The following FZD3 variants were observed in gnomAD, a reference collection of about 807,000 sequenced individuals.
The protein encoded by FZD3 is frizzled class receptor 3.
FZD3 carries 30 observed loss-of-function variants against 60.7 expected under a neutral mutation model. That is an observed-to-expected ratio of 0.49 (90% CI 0.37 to 0.67). The LOEUF is 0.67. Among genes scored for constraint, FZD3 ranks in the 30% least tolerant of loss-of-function variants. The pLI, the probability that FZD3 is intolerant of heterozygous loss-of-function variation, is 0.00. For synonymous variants in FZD3, 246 were observed against 275.2 expected, an observed-to-expected ratio of 0.89 and a Z score of 1.05; for missense variants, 605 against 838.7, an observed-to-expected ratio of 0.72 and a Z score of 3.44.
chr8:28,565,065 T>G lies in FZD3; in HGVS notation c.*2054T>G, dbSNP rs946252929. 1 of 97,536 alleles carries G rather than the reference T, an allele frequency of 1.0e-5. No homozygotes were observed. Among genetic ancestry groups the G allele is most frequent in the Non-Finnish European group, 2.2e-5 (1 of 45,800 alleles). 6.0% of individuals were successfully genotyped at this position (97,536 alleles called of 1,614,324 possible). ...CATGTATACTTTCTTTCTTACCCTT[T>G]AAAACAAACTGCCAAGAAATTAGGT... On this transcript the variant is annotated 3_prime_UTR_variant, in exon 8 of 8. Coordinates refer to ENST00000240093, the MANE Select transcript of FZD3 (RefSeq NM_017412.4).
In FZD3 at chr8:28,520,761, C is replaced by T. The variant is rs1440611132; in HGVS notation, c.313C>T (p.Arg105Trp). Residue 105 changes from arginine (R) to tryptophan (W), a missense_variant, in exon 4 of 8, where the codon CGG (arginine) becomes TGG (tryptophan). By Grantham distance (101) the Arg-to-Trp change is moderately radical. Coordinates refer to ENST00000240093, the MANE Select transcript of FZD3 (RefSeq NM_017412.4). Reference sequence around the variant, plus strand: ...ACTTCCCTGTCGTAGGCTGTGTCAGCGGGCTTACAGTGAGTGTTCGAAGCT... The same window carrying T: ...ACTTCCCTGTCGTAGGCTGTGTCAGTGGGCTTACAGTGAGTGTTCGAAGCT... ...VTLPCRRLCQ[R>W]AYSECSKLME... The T allele has an allele frequency of 6.2e-7, 1 of 1,611,896 alleles. No individual in the cohort carries two copies. The highest frequency in any genetic ancestry group is 8.5e-7 in the Non-Finnish European group (1 of 1,178,752).
intron 3 of FZD3, among the ~76,000 whole-genome samples, chr8:28,519,811 A>G (rs755815009): frequency 6.6e-6 from 1 of 151,462 alleles, no homozygotes; most frequent in Admixed American, 6.6e-5. Flanking sequence ...AATTACTACT[A>G]TATTACTACT....
At chr8:28,532,435 AATTT>A (rs1804902834) in intron 5 of FZD3, among the ~76,000 whole-genome samples, 1 of 152,006 alleles carries the variant, frequency 6.6e-6, no homozygotes, top group African/African-American at 2.4e-5. Context: ...AAAAATTTTT[AATTT>A]ATTTATTGTG....
chr8:28,562,876 G>A lies in FZD3; in HGVS notation c.1866G>A (p.Arg622=). The change falls in exon 8 of 8, where the codon AGG becomes AGA. Residue 622 remains arginine (R), a synonymous_variant. Transcript: ENST00000240093. ...TGTCACGACTAACAGATCACTCCAG[G>A]CATAGTAGTTCTCATCGGCTCAATG... The part of the protein sequence containing the change: ...GSMSRLTDHS[R]HSSSHRLNEQ... 6.2e-7 allele frequency: 1 copy of A among 1,613,550 alleles called. No individual in the cohort carries two copies. Among genetic ancestry groups the A allele is most frequent in the Non-Finnish European group, 8.5e-7 (1 of 1,179,570 alleles).
intron 7 of FZD3, among the ~76,000 whole-genome samples, chr8:28,557,150 A>T (rs1416426836): frequency 2.0e-5 from 3 of 149,318 alleles, no homozygotes; most frequent in Non-Finnish European, 1.5e-5. Context: ...TGGAGGTTGG[A>T]GTGAGCTGAC....
intron 3 of FZD3, among the ~76,000 whole-genome samples, chr8:28,505,406 C>T (rs1331354308): frequency 6.6e-6 from 1 of 151,956 alleles, no homozygotes; most frequent in Non-Finnish European, 1.5e-5. Flanking sequence ...CACTGGAGTG[C>T]TGTTGTGCAA....
intron 1 of FZD3, among the ~76,000 whole-genome samples, chr8:28,499,400 T>C (rs554059962): frequency 2.3e-4 from 35 of 152,298 alleles, no homozygotes; most frequent in Non-Finnish European, 4.0e-4. Context: ...TATACCATAA[T>C]TTATTTAACC....
rs3214597 is a variant in FZD3, at chr8:28,494,306, G to GCCCCC, written c.-425_-421dup. 9.2e-5 allele frequency: 14 copies of GCCCCC among 151,454 alleles called. No homozygotes were observed. Among genetic ancestry groups the GCCCCC allele is most frequent in the African/African-American group, 3.1e-4 (13 of 41,344 alleles). The allele number at this position is 151,454 out of a possible 1,614,324, so 9.4% of individuals were successfully genotyped here. ...GCGGCCGCCCGCGGCAGGCGGTGCA[G>GCCCCC]CCCCCCCACCCCTTGGAGCCAGGCG... On this transcript the variant is annotated 5_prime_UTR_variant, in exon 1 of 8. Transcript: ENST00000240093.
chr8:28,568,948 TG>T lies in FZD3; in HGVS notation c.*5938del, dbSNP rs1209927209. 6.6e-6 allele frequency: 1 copy of T among 152,162 alleles called. No homozygotes were observed. The highest frequency in any genetic ancestry group is 1.5e-5 in the Non-Finnish European group (1 of 67,982). The allele number at this position is 152,162 out of a possible 1,614,324, so 9.4% of individuals were successfully genotyped here. A position where few individuals can be genotyped will look rare whatever the true frequency, so the allele number is the denominator to read the frequency against. ...AGTTTTTCCCGATAAAGATTAAAAA[TG>T]TTTTTTACCTTGAAATAATTCAGAT... On this transcript the variant is annotated 3_prime_UTR_variant, in exon 8 of 8. Coordinates refer to ENST00000240093, the MANE Select transcript of FZD3 (RefSeq NM_017412.4).
At chr8:28,553,433 A>G (rs1805449031) in intron 6 of FZD3, among the ~76,000 whole-genome samples, 1 of 152,214 alleles carries the variant, frequency 6.6e-6, no homozygotes. Flanking sequence ...TATTGTAATC[A>G]CAGTAAAACA....
chr8:28,520,936 G>A (rs924100903), intron 4 of FZD3, 102 bp downstream of exon 4: 27 of 601,790 alleles, frequency 4.5e-5, no homozygotes, highest in Admixed American at 2.9e-4. Context: ...TTTTTGAAGT[G>A]TACATATTAG....
chr8:28,546,362 T>G (rs1177399884), intron 5 of FZD3, among the ~76,000 whole-genome samples: 1 of 152,214 alleles, frequency 6.6e-6, no homozygotes, highest in Non-Finnish European at 1.5e-5. Flanking sequence ...AAATCAGGGC[T>G]TCCCTTGACC....
intron 5 of FZD3, among the ~76,000 whole-genome samples, chr8:28,530,105 G>C (rs183031): frequency 0.023 from 2,486 of 107,394 alleles, 84 homozygotes; most frequent in African/African-American, 0.09. Context: ...GTGTGTGTGT[G>C]TGTGTGTGTG....
At chr8:28,547,399 A>G (rs577340585) in intron 5 of FZD3, among the ~76,000 whole-genome samples, 1 of 152,338 alleles carries the variant, frequency 6.6e-6, no homozygotes, top group East Asian at 1.9e-4. Context: ...ATATAAATAT[A>G]TCTGTAGCAT....
intron 5 of FZD3, among the ~76,000 whole-genome samples, chr8:28,535,094 C>T (rs1164158374): frequency 6.6e-6 from 1 of 152,096 alleles, no homozygotes; most frequent in East Asian, 1.9e-4. Context: ...AATTTTTTAT[C>T]ATGTTTTTTC....
intron 3 of FZD3, among the ~76,000 whole-genome samples, chr8:28,516,028 T>G (rs1412586468): frequency 2.6e-5 from 4 of 152,234 alleles, no homozygotes; most frequent in Non-Finnish European, 5.9e-5. Context: ...ATGAGTTTCA[T>G]AGATTATGCT....
At chr8:28,525,128 G>C (rs1163772689) in intron 4 of FZD3, among the ~76,000 whole-genome samples, 1 of 152,214 alleles carries the variant, frequency 6.6e-6, no homozygotes, top group Admixed American at 6.5e-5. Context: ...ACTTGGGTTA[G>C]GGTTATATGA....
In FZD3 at chr8:28,502,782, A is replaced by G. The variant is rs1804030870; in HGVS notation, c.-232A>G. The stretch of plus-strand genomic sequence containing the variant: ...AAATGTGCCCCATGTAATAAAATGA[A>G]AAGAAGAGACAAGATGATGTCATTT... On this transcript the variant is annotated 5_prime_UTR_variant, in exon 3 of 8. Transcript: ENST00000240093. The G allele has an allele frequency of 3.1e-6, 1 of 320,172 alleles. No individual in the cohort carries two copies. Among genetic ancestry groups the G allele is most frequent in the Admixed American group, 4.8e-5 (1 of 20,634 alleles). The allele number at this position is 320,172 out of a possible 1,614,324, so 19.8% of individuals were successfully genotyped here. A position where few individuals can be genotyped will look rare whatever the true frequency, so the allele number is the denominator to read the frequency against.
chr8:28,537,338 T>C (rs1175730416), intron 5 of FZD3, among the ~76,000 whole-genome samples: 1 of 152,248 alleles, frequency 6.6e-6, no homozygotes, highest in Non-Finnish European at 1.5e-5. Context: ...ACCTAAGTTG[T>C]GTGTTCAGTT....
Sources: allele counts gnomAD v4.1 joint callset (sites outside exome capture counted in the v4.1 genomes callset), GRCh38; gene constraint gnomAD v4.1.1; transcripts MANE v1.5; gene names NCBI Gene and HGNC (gene_info 2026-07-23, HGNC 2026-07-21).